Variants in RTL9 observed in about 807,000 individuals in gnomAD.
RTL9 encodes retrotransposon Gag like 9.
RTL9 carries 19 observed loss-of-function variants against 44.7 expected under a neutral mutation model. That is an observed-to-expected ratio of 0.42 (90% CI 0.30 to 0.62). The LOEUF (loss-of-function observed/expected upper bound fraction) is 0.62. Among genes scored for constraint, RTL9 ranks in the 20% least tolerant of loss-of-function variants. The probability of loss-of-function intolerance (pLI) is 0.16; values close to 1 mark genes in which losing one functional copy is unlikely to be tolerated. For missense variants in RTL9, 1,105 were observed against 1,080.6 expected (o/e 1.02, Z -0.32); for synonymous variants, 407 against 398.9 (o/e 1.02, Z -0.24).
At chrX:110,369,141 G>A (rs1415290733) in intron 1 of RTL9, among the ~76,000 whole-genome samples, 1 of 111,360 alleles carries the variant, frequency 9.0e-6, no homozygotes, top group Admixed American at 9.5e-5. Context: ...GACCATCCTG[G>A]CTAACACAGT....
At chrX:110,453,138 A>G in exon 1 of RTL9, 3 of 1,209,288 alleles carry the variant, frequency 2.5e-6, no homozygotes, top group Non-Finnish European at 3.4e-6. Context: ...GAAGGCTCCC[A>G]TCTCTGGAGC....
chrX:110,389,402 G>A (rs1319459994), intron 1 of RTL9, among the ~76,000 whole-genome samples: 1 of 112,039 alleles, frequency 8.9e-6, no homozygotes, highest in Admixed American at 9.5e-5. Context: ...TGCACTGGGA[G>A]TCAAAACATC....
intron 1 of RTL9, among the ~76,000 whole-genome samples, chrX:110,435,496 T>C (rs1300975775): frequency 8.9e-6 from 1 of 111,997 alleles, no homozygotes; most frequent in African/African-American, 3.3e-5. Context: ...TAATTAGACC[T>C]AGCAGGTCCC....
intron 1 of RTL9, among the ~76,000 whole-genome samples, chrX:110,443,688 C>T (rs935765105): frequency 1.8e-5 from 2 of 112,345 alleles, no homozygotes; most frequent in Non-Finnish European, 3.8e-5. Flanking sequence ...GTTGTAAACA[C>T]GATCGGATCT....
At chrX:110,438,373 A>G (rs888383408) in intron 1 of RTL9, among the ~76,000 whole-genome samples, 2 of 112,060 alleles carry the variant, frequency 1.8e-5, no homozygotes, top group Non-Finnish European at 3.8e-5. Flanking sequence ...CAAGGTGGAC[A>G]TAAAATTCAG....
At chrX:110,399,832 A>G (rs2068552210) in intron 1 of RTL9, among the ~76,000 whole-genome samples, 1 of 112,106 alleles carries the variant, frequency 8.9e-6, no homozygotes, top group Non-Finnish European at 1.9e-5. Context: ...ATGGAGTTCG[A>G]AGATAATTAA....
intron 1 of RTL9, among the ~76,000 whole-genome samples, chrX:110,381,509 GTTAAAGATTTC>G (rs1489939011): frequency 8.9e-6 from 1 of 111,907 alleles, no homozygotes; most frequent in Non-Finnish European, 1.9e-5. Context: ...GTGGAAAGCA[GTTAAAGATTTC>G]TCAAAGATCT....
chrX:110,368,990 A>G (rs777640398), intron 1 of RTL9, among the ~76,000 whole-genome samples: 5 of 111,774 alleles, frequency 4.5e-5, no homozygotes, highest in Non-Finnish European at 9.4e-5. Context: ...AGGAAGTTCC[A>G]TAGATTCTTA....
At chrX:110,430,998 A>G (rs2068792183) in intron 1 of RTL9, among the ~76,000 whole-genome samples, 1 of 112,056 alleles carries the variant, frequency 8.9e-6, no homozygotes, top group Non-Finnish European at 1.9e-5. Context: ...GGAATGAAGA[A>G]ACTTGGATTT....
chrX:110,407,790 ACT>A (rs2068613376), intron 1 of RTL9, among the ~76,000 whole-genome samples: 1 of 112,066 alleles, frequency 8.9e-6, no homozygotes, highest in African/African-American at 3.3e-5. Flanking sequence ...AGAAGGTCTG[ACT>A]CTCATTTTCT....
At chrX:110,366,925 T>C (rs2068301044) in intron 1 of RTL9, among the ~76,000 whole-genome samples, 1 of 111,563 alleles carries the variant, frequency 9.0e-6, no homozygotes, top group Non-Finnish European at 1.9e-5. Context: ...TCCTCAAACT[T>C]CCGACACTTG....
At chrX:110,413,263 C>A (rs2068653785) in intron 1 of RTL9, among the ~76,000 whole-genome samples, 1 of 111,432 alleles carries the variant, frequency 9.0e-6, no homozygotes, top group Non-Finnish European at 1.9e-5. Flanking sequence ...TACCTCCGGG[C>A]CTGGAAGTGC....
At chrX:110,413,607 G>T (rs1182561424) in intron 1 of RTL9, among the ~76,000 whole-genome samples, 3 of 99,491 alleles carry the variant, frequency 3.0e-5, no homozygotes, top group African/African-American at 1.1e-4. Flanking sequence ...TGGGTGAGTT[G>T]GACATCCGTG....
chrX:110,370,801 C>T (rs2068333169), intron 1 of RTL9, among the ~76,000 whole-genome samples: 1 of 112,115 alleles, frequency 8.9e-6, no homozygotes, highest in African/African-American at 3.2e-5. Context: ...ACATATAACA[C>T]ATCCATAACC....
At chrX:110,405,090 C>G (rs1043249584) in intron 1 of RTL9, among the ~76,000 whole-genome samples, 1 of 60,263 alleles carries the variant, frequency 1.7e-5, no homozygotes, top group African/African-American at 1.7e-4. Flanking sequence ...TTGTTGTGTC[C>G]CCCCCCCCCC....
At chrX:110,365,704 CT>C in intron 1 of RTL9, among the ~76,000 whole-genome samples, 1 of 111,890 alleles carries the variant, frequency 8.9e-6, no homozygotes, top group South Asian at 3.7e-4. Flanking sequence ...ACCTATTTTC[CT>C]TCTTCCAGGC....
intron 1 of RTL9, among the ~76,000 whole-genome samples, chrX:110,442,243 C>CTGTGTG (rs1239244774): frequency 2.9e-5 from 3 of 103,774 alleles, no homozygotes; most frequent in Non-Finnish European, 5.9e-5. Flanking sequence ...CTCTCTCTCT[C>CTGTGTG]TCTCTGTGTG....
chrX:110,367,818 A>G (rs1331408701), intron 1 of RTL9, among the ~76,000 whole-genome samples: 2 of 109,296 alleles, frequency 1.8e-5, no homozygotes, highest in African/African-American at 3.3e-5. Flanking sequence ...TTAAAAATTT[A>G]TTTGTTTAGA....
upstream of RTL9, chrX:110,450,514 C>A: frequency 1.4e-6 from 1 of 719,405 alleles, no homozygotes; most frequent in Non-Finnish European, 2.1e-6. Flanking sequence ...TTGTCTGTTT[C>A]CAAATCTTCT....
Sources: gnomAD v4.1 joint callset for allele counts (sites outside exome capture counted in the v4.1 genomes callset) on GRCh38, gnomAD v4.1.1 for gene constraint, MANE v1.5 for transcripts, NCBI Gene and HGNC (gene_info 2026-07-23, HGNC 2026-07-21) for gene names.